Variants in RAPGEF6 observed in about 807,000 individuals in gnomAD.
RAPGEF6 encodes PDZ domain containing guanine nucleotide exchange factor (GEF) 2.
A neutral mutation model predicts 171.4 loss-of-function variants in RAPGEF6; 56 were observed. The ratio of observed to expected loss-of-function variants is 0.33; its 90% CI spans 0.26 to 0.41. The LOEUF is 0.41. Ranked by LOEUF, RAPGEF6 falls within the 10% of genes least tolerant of loss-of-function variation. The pLI is 1.00. For synonymous variants in RAPGEF6, 692 were observed against 650.1 expected, an observed-to-expected ratio of 1.06 and a Z score of -0.98; for missense variants, 1,674 against 1,921.4, an observed-to-expected ratio of 0.87 and a Z score of 2.41.
chr5:131,587,190 T>C (rs1252750701), intron 4 of RAPGEF6, among the ~76,000 whole-genome samples: 1 of 152,234 alleles, frequency 6.6e-6, no homozygotes, highest in East Asian at 1.9e-4. Flanking sequence ...ACCCGGCTCT[T>C]AGCTGAACTA....
At chr5:131,587,345 G>A (rs894185411) in intron 4 of RAPGEF6, among the ~76,000 whole-genome samples, 1 of 152,102 alleles carries the variant, frequency 6.6e-6, no homozygotes, top group South Asian at 2.1e-4. Flanking sequence ...CATATCCACA[G>A]GCCAAAACTC....
chr5:131,586,202 C>T (rs901845128), intron 4 of RAPGEF6, among the ~76,000 whole-genome samples: 3 of 152,086 alleles, frequency 2.0e-5, no homozygotes, highest in African/African-American at 7.2e-5. Context: ...AGAATGAATA[C>T]GACAATGAAT....
chr5:131,574,158 A>C (rs1762463917), intron 4 of RAPGEF6, among the ~76,000 whole-genome samples: 1 of 152,210 alleles, frequency 6.6e-6, no homozygotes, highest in Non-Finnish European at 1.5e-5. Context: ...AAGCCTGGCC[A>C]CTGGGCCTCA....
At chr5:131,521,896 C>CTG in intron 6 of RAPGEF6, among the ~76,000 whole-genome samples, 1 of 54,224 alleles carries the variant, frequency 1.8e-5, no homozygotes, top group South Asian at 9.4e-4. Context: ...CACACACTCT[C>CTG]TCTCTCTCTC....
At chr5:131,567,437 C>A (rs1762021237) in intron 4 of RAPGEF6, among the ~76,000 whole-genome samples, 1 of 152,164 alleles carries the variant, frequency 6.6e-6, no homozygotes, top group Admixed American at 6.5e-5. Context: ...TTAGCTGCAT[C>A]CCATAAATTT....
intron 1 of RAPGEF6, among the ~76,000 whole-genome samples, chr5:131,622,771 A>G (rs1252311001): frequency 1.3e-5 from 2 of 152,154 alleles, no homozygotes; most frequent in Non-Finnish European, 2.9e-5. Flanking sequence ...AGAAGTATAA[A>G]TAAGTTCTTT....
chr5:131,469,404 T>C (rs1660011205), intron 17 of RAPGEF6, among the ~76,000 whole-genome samples: 1 of 152,234 alleles, frequency 6.6e-6, no homozygotes, highest in South Asian at 2.1e-4. Flanking sequence ...AAGTTTACTA[T>C]ATGAAATAAA....
chr5:131,603,157 A>G (rs1764354011), intron 3 of RAPGEF6, 114 bp downstream of exon 3: 1 of 784,998 alleles, frequency 1.3e-6, no homozygotes, highest in South Asian at 1.7e-5. Flanking sequence ...TGGTCTATGA[A>G]TATTTTTCAG....
At chr5:131,512,239 T>C (rs1757781736) in intron 7 of RAPGEF6, among the ~76,000 whole-genome samples, 1 of 151,854 alleles carries the variant, frequency 6.6e-6, no homozygotes, top group Non-Finnish European at 1.5e-5. Context: ...AAGCAAGCCG[T>C]ACGGAGCCAA....
At chr5:131,602,527 G>A (rs912974066) in intron 3 of RAPGEF6, among the ~76,000 whole-genome samples, 4 of 152,122 alleles carry the variant, frequency 2.6e-5, no homozygotes, top group South Asian at 2.1e-4. Context: ...TTGGGAGGCC[G>A]AGGCAGGTGG....
At chr5:131,588,746 AAAC>A (rs368837789) in intron 4 of RAPGEF6, among the ~76,000 whole-genome samples, 11 of 151,828 alleles carry the variant, frequency 7.2e-5, no homozygotes, top group East Asian at 1.9e-4. Context: ...CCGTCTTAAA[AAAC>A]AACAACAACA....
At chr5:131,614,029 C>A (rs1430263226) in intron 1 of RAPGEF6, among the ~76,000 whole-genome samples, 3 of 152,038 alleles carry the variant, frequency 2.0e-5, no homozygotes, top group Admixed American at 2.0e-4. Flanking sequence ...CACCTGTAAT[C>A]CCAGCATTTT....
chr5:131,494,502 T>C (rs888924313), intron 13 of RAPGEF6, among the ~76,000 whole-genome samples: 1 of 152,040 alleles, frequency 6.6e-6, no homozygotes, highest in Non-Finnish European at 1.5e-5. Flanking sequence ...TTTCAATAGG[T>C]GAGGAAAAGA....
intron 22 of RAPGEF6, 62 bp downstream of exon 22, chr5:131,446,421 G>A: frequency 1.4e-6 from 2 of 1,448,674 alleles, no homozygotes; most frequent in Non-Finnish European, 9.4e-7. Flanking sequence ...TATAATTCTA[G>A]AGAAATAAGT....
At chr5:131,483,436 AAAG>A (rs995238335) in intron 15 of RAPGEF6, among the ~76,000 whole-genome samples, 3 of 151,966 alleles carry the variant, frequency 2.0e-5, no homozygotes, top group Non-Finnish European at 4.4e-5. Context: ...AGCTTGTTTT[AAAG>A]AAGAGAAATG....
At chr5:131,527,490 T>C (rs1252105040) in intron 6 of RAPGEF6, among the ~76,000 whole-genome samples, 1 of 152,160 alleles carries the variant, frequency 6.6e-6, no homozygotes, top group East Asian at 1.9e-4. Flanking sequence ...TATAAACATT[T>C]TGGACAACAA....
intron 7 of RAPGEF6, among the ~76,000 whole-genome samples, chr5:131,516,441 T>C (rs914069649): frequency 3.3e-5 from 5 of 152,046 alleles, no homozygotes; most frequent in African/African-American, 1.2e-4. Flanking sequence ...GGCACCAGAG[T>C]TCTGAAGAGA....
intron 21 of RAPGEF6, among the ~76,000 whole-genome samples, chr5:131,452,315 C>G (rs1222559996): frequency 6.6e-6 from 1 of 151,710 alleles, no homozygotes; most frequent in Non-Finnish European, 1.5e-5. Flanking sequence ...TAAAAATGAA[C>G]CTTAAAAAGC....
chr5:131,524,813 A>C (rs1029498886), intron 6 of RAPGEF6, among the ~76,000 whole-genome samples: 1 of 152,086 alleles, frequency 6.6e-6, no homozygotes, highest in Non-Finnish European at 1.5e-5. Context: ...AAGGGGTTTC[A>C]CCACATTGGC....
Sources: gnomAD v4.1 joint callset for allele counts (sites outside exome capture counted in the v4.1 genomes callset) on GRCh38, gnomAD v4.1.1 for gene constraint, MANE v1.5 for transcripts, NCBI Gene and HGNC (gene_info 2026-07-23, HGNC 2026-07-21) for gene names.